The following FBRSL1 variants were observed in gnomAD, a reference collection of about 807,000 sequenced individuals.
FBRSL1 encodes the protein fibrosin-1-like protein.
A neutral mutation model predicts 89.6 loss-of-function variants in FBRSL1; 51 were observed. That is an observed-to-expected ratio of 0.57 (90% CI 0.45 to 0.72). FBRSL1 has a LOEUF of 0.72. FBRSL1 is among the 30% of genes least tolerant of loss of function. FBRSL1 has a pLI of 0.00. For missense variants in FBRSL1, 1,618 were observed against 1,451.8 expected, an observed-to-expected ratio of 1.11 and a Z score of -1.86; for synonymous variants, 779 against 681.1, an observed-to-expected ratio of 1.14 and a Z score of -2.24.
intron 5 of FBRSL1, chr12:132,553,140 C>T (rs2038335235): frequency 1.3e-5 from 2 of 152,696 alleles, no homozygotes; most frequent in African/African-American, 2.4e-5. Context: ...TTTGGAGGCC[C>T]ATCCATTCTT....
intron 4 of FBRSL1, among the ~76,000 whole-genome samples, chr12:132,529,772 G>A (rs912334206): frequency 6.6e-6 from 1 of 152,272 alleles, no homozygotes; most frequent in East Asian, 1.9e-4. Context: ...GCTCAGCTCT[G>A]CCACCCTGGG....
intron 2 of FBRSL1, among the ~76,000 whole-genome samples, chr12:132,521,422 C>T (rs2035345101): frequency 6.6e-6 from 1 of 152,204 alleles, no homozygotes; most frequent in Admixed American, 6.5e-5. Flanking sequence ...CTGACCTCTG[C>T]CCCATCTCCC....
chr12:132,573,983 C>T lies in FBRSL1; in HGVS notation c.1531-107C>T, dbSNP rs1429992366. 25 of 714,068 alleles carry T rather than the reference C, an allele frequency of 3.5e-5. No homozygotes were observed. In the East Asian group the frequency reaches 5.6e-4, roughly 16 times the overall value. The allele number at this position is 714,068 out of a possible 1,614,324, so 44.2% of individuals were successfully genotyped here. Reference sequence around the variant, plus strand: ...CTGGGAGACAGCGTGCGGGGCCCCACGGCAAGGCAAAGCAGGGCACAGGCC... The same window carrying T: ...CTGGGAGACAGCGTGCGGGGCCCCATGGCAAGGCAAAGCAGGGCACAGGCC... On this transcript the variant is annotated intron_variant, in intron 11 of 18. Transcript: ENST00000680143.
chr12:132,575,699 C>T (rs1247575461), intron 14 of FBRSL1, among the ~76,000 whole-genome samples: 3 of 152,264 alleles, frequency 2.0e-5, no homozygotes, highest in Non-Finnish European at 4.4e-5. Context: ...AGGGCAGATC[C>T]TGCAAGAGGC....
At position 132,490,532 on chromosome 12, in the gene FBRSL1, G is replaced by A; in HGVS notation, c.-39G>A. The A allele has an allele frequency of 1.0e-6, 1 of 979,036 alleles. No individual in the cohort carries two copies. The highest frequency in any genetic ancestry group is 1.2e-6 in the Non-Finnish European group (1 of 826,760). The allele number at this position is 979,036 out of a possible 1,614,324, so 60.6% of individuals were successfully genotyped here. A position where few individuals can be genotyped will look rare whatever the true frequency, so the allele number is the denominator to read the frequency against. On this transcript the variant is annotated 5_prime_UTR_variant, in exon 1 of 19. Coordinates refer to ENST00000680143, the MANE Select transcript of FBRSL1 (RefSeq NM_001367871.1). Reference sequence around the variant, plus strand: ...CCGCCTGCTGCGAGCCAGGCGCGGGGCGTCAAGGTCACCGGCCCGACGGGG... The same window carrying A: ...CCGCCTGCTGCGAGCCAGGCGCGGGACGTCAAGGTCACCGGCCCGACGGGG...
intron 4 of FBRSL1, among the ~76,000 whole-genome samples, chr12:132,542,872 A>G (rs2037381193): frequency 6.6e-6 from 1 of 152,228 alleles, no homozygotes; most frequent in South Asian, 2.1e-4. Flanking sequence ...TTGCACTGGG[A>G]AGGGGAGGCA....
At chr12:132,581,398 GCT>G (rs1287223703) in intron 15 of FBRSL1, 39 bp from the exon 16 acceptor site, 1 of 1,550,660 alleles carries the variant, frequency 6.4e-7, no homozygotes, top group Non-Finnish European at 8.7e-7. Flanking sequence ...AGGCCCTGGT[GCT>G]CTCTCCTGGC....
At position 132,497,879 on chromosome 12, in the gene FBRSL1, C is replaced by T. The variant is rs987879567; in HGVS notation, c.291+7018C>T. 6.9e-4 allele frequency among the ~76,000 whole-genome samples: 105 copies of T among 152,302 alleles called. 1 individual carries two copies. Among genetic ancestry groups the T allele is most frequent in the African/African-American group, 2.2e-3 (90 of 41,568 alleles). ...AGGGAGGGCCAGGGCTTGTGGCGTG[C>T]GATGTGTGTGTTTGTGCCACGCATG... is the stretch of plus-strand genomic sequence containing the variant. On this transcript the variant is annotated intron_variant, in intron 1 of 18. Coordinates refer to ENST00000680143, the MANE Select transcript of FBRSL1 (RefSeq NM_001367871.1).
At chr12:132,509,000 C>A (rs1046421935) in intron 2 of FBRSL1, among the ~76,000 whole-genome samples, 1 of 152,198 alleles carries the variant, frequency 6.6e-6, no homozygotes, top group Non-Finnish European at 1.5e-5. Flanking sequence ...CTGGTGTGCG[C>A]CTTCCTTCCA....
At chr12:132,509,589 C>T (rs1254149914) in intron 2 of FBRSL1, 4 of 1,232,244 alleles carry the variant, frequency 3.2e-6, no homozygotes, top group Non-Finnish European at 4.0e-6. Context: ...CTGCCGGCGC[C>T]TGCGGTCCCT....
At chr12:132,528,676 C>CG (rs1388576724) in intron 4 of FBRSL1, among the ~76,000 whole-genome samples, 1 of 151,852 alleles carries the variant, frequency 6.6e-6, no homozygotes, top group Non-Finnish European at 1.5e-5. Context: ...CGTGGGTGCA[C>CG]GGGTGTGTTT....
At chr12:132,580,554 TCTC>T (rs1200559772) in intron 15 of FBRSL1, among the ~76,000 whole-genome samples, 7 of 152,194 alleles carry the variant, frequency 4.6e-5, no homozygotes, top group African/African-American at 1.7e-4. Context: ...GTACTCTCCA[TCTC>T]CTCCTGCACA....
rs1156906217 is a variant in FBRSL1, at chr12:132,582,155, C to G, written c.2090C>G (p.Pro697Arg). 3.9e-6 allele frequency: 6 copies of G among 1,549,896 alleles called. No homozygotes were observed. The highest frequency in any genetic ancestry group is 5.2e-6 in the Non-Finnish European group (6 of 1,146,796). Residue 697 changes from proline to arginine, a missense_variant, in exon 18 of 19, where the codon CCG becomes CGG. Physicochemically the swap from Pro to Arg is moderately radical, Grantham distance 103 (BLOSUM62 -2). Coordinates refer to ENST00000680143, the MANE Select transcript of FBRSL1 (RefSeq NM_001367871.1). The part of the protein sequence containing the change: ...HEAWNRLHRA[P>R]PSFPAPPPWP... The stretch of plus-strand genomic sequence containing the variant: ...GCCTGGAACCGACTGCACCGGGCAC[C>G]GCCCTCCTTCCCGGCTCCGCCCCCG...
At chr12:132,528,123 T>C (rs1157641032) in intron 4 of FBRSL1, 135 bp downstream of exon 4, 1 of 795,152 alleles carries the variant, frequency 1.3e-6, no homozygotes, top group Admixed American at 2.1e-5. Context: ...AGCCCCAGAC[T>C]GGTTCTGGCC....
At chr12:132,524,154 C>T (rs759220378) in intron 2 of FBRSL1, among the ~76,000 whole-genome samples, 9 of 152,210 alleles carry the variant, frequency 5.9e-5, no homozygotes, top group Non-Finnish European at 1.2e-4. Flanking sequence ...GCAGGCCAGT[C>T]GCTTGCCCGA....
At chr12:132,566,514 G>C (rs1019801477) in intron 5 of FBRSL1, 28 of 152,360 alleles carry the variant, frequency 1.8e-4, no homozygotes, top group African/African-American at 6.5e-4. Context: ...CCAGAGCATG[G>C]GGCCCTCCGT....
chr12:132,501,635 A>C (rs1388402314), intron 1 of FBRSL1, among the ~76,000 whole-genome samples: 3 of 152,028 alleles, frequency 2.0e-5, no homozygotes, highest in Non-Finnish European at 4.4e-5. Context: ...CTTGGACAGG[A>C]GTGAGAGGGG....
intron 1 of FBRSL1, among the ~76,000 whole-genome samples, chr12:132,494,437 G>A (rs769397905): frequency 3.3e-5 from 5 of 152,328 alleles, no homozygotes; most frequent in East Asian, 1.9e-4. Flanking sequence ...AGGTTGTGCC[G>A]GTCCCTGTGT....
intron 1 of FBRSL1, among the ~76,000 whole-genome samples, chr12:132,494,041 G>A (rs1000519817): frequency 3.3e-5 from 5 of 152,182 alleles, no homozygotes; most frequent in African/African-American, 7.2e-5. Flanking sequence ...GTGGGGCGGC[G>A]CGGCAGACCT....
Sources: gnomAD v4.1 joint callset for allele counts (sites outside exome capture counted in the v4.1 genomes callset) on GRCh38, gnomAD v4.1.1 for gene constraint, MANE v1.5 for transcripts, NCBI Gene and HGNC (gene_info 2026-07-23, HGNC 2026-07-21) for gene names.